ATAD2B: variants seen among roughly 807,000 people sequenced by gnomAD.
ATAD2B encodes the protein ATPase family AAA domain containing 2B.
A neutral mutation model predicts 167.6 loss-of-function variants in ATAD2B; 40 were observed. The observed-to-expected ratio is 0.24, with a 90% CI of 0.19 to 0.31. The LOEUF is 0.31. Ranked by LOEUF, ATAD2B falls within the 10% of genes least tolerant of loss-of-function variation. ATAD2B has a pLI of 1.00. For missense variants in ATAD2B, 1,242 were observed against 1,757.2 expected, an observed-to-expected ratio of 0.71 and a Z score of 5.24; for synonymous variants, 579 against 596.5, an observed-to-expected ratio of 0.97 and a Z score of 0.43.
the ATAD2B span, chr2:23,697,311 G>A: frequency 2.6e-5 from 4 of 152,194 alleles, no homozygotes. Flanking sequence ...ACAGATGCCT[G>A]GGGGAAAAGC....
intron 1 of ATAD2B, among the ~76,000 whole-genome samples, chr2:23,921,509 T>C (rs1192679611): frequency 3.3e-5 from 5 of 152,268 alleles, no homozygotes; most frequent in South Asian, 2.1e-4. Flanking sequence ...AGACATACAA[T>C]AAAACATCTA....
At chr2:23,716,803 A>C in the ATAD2B span, among the ~76,000 whole-genome samples, 10 of 152,344 alleles carry the variant, frequency 6.6e-5, no homozygotes. Flanking sequence ...ACATTCACAC[A>C]GACTGGTGCT....
intron 13 of ATAD2B, among the ~76,000 whole-genome samples, chr2:23,841,126 A>T (rs1358402419): frequency 7.9e-6 from 1 of 126,880 alleles, no homozygotes; most frequent in Non-Finnish European, 1.6e-5. Context: ...TTTTGTACAG[A>T]TGGGTTCTCA....
At chr2:23,889,011 A>C (rs1041604239) in intron 2 of ATAD2B, among the ~76,000 whole-genome samples, 3 of 152,258 alleles carry the variant, frequency 2.0e-5, no homozygotes, top group Admixed American at 2.0e-4. Context: ...TTCTTAGTAC[A>C]GTCAGAAAGT....
intron 1 of ATAD2B, among the ~76,000 whole-genome samples, chr2:23,921,467 G>A (rs1703922703): frequency 6.6e-6 from 1 of 152,078 alleles, no homozygotes; most frequent in Admixed American, 6.6e-5. Context: ...GATTCCAGAA[G>A]TTATGAGTTT....
intron 21 of ATAD2B, among the ~76,000 whole-genome samples, chr2:23,784,781 G>GT (rs1477483288): frequency 6.6e-6 from 1 of 151,782 alleles, no homozygotes; most frequent in Non-Finnish European, 1.5e-5. Context: ...TATGGGGGGG[G>GT]GGATGACCCA....
At chr2:23,898,513 CA>C (rs1296006270) in intron 1 of ATAD2B, among the ~76,000 whole-genome samples, 3 of 152,230 alleles carry the variant, frequency 2.0e-5, no homozygotes, top group Non-Finnish European at 4.4e-5. Flanking sequence ...TGATTGATGT[CA>C]TATGTCTTCC....
intron 4 of ATAD2B, among the ~76,000 whole-genome samples, chr2:23,887,088 C>T (rs1698787149): frequency 6.6e-6 from 1 of 152,062 alleles, no homozygotes; most frequent in South Asian, 2.1e-4. Flanking sequence ...CCTGGTGAAA[C>T]CCCGTCTTTA....
chr2:23,728,559 T>A, the ATAD2B span, among the ~76,000 whole-genome samples: 1 of 152,070 alleles, frequency 6.6e-6, no homozygotes, highest in African/African-American at 2.4e-5. Context: ...AAATTTTGTT[T>A]CAAAGAATAA....
the ATAD2B span, chr2:23,691,956 C>T: frequency 1.9e-5 from 27 of 1,402,256 alleles, no homozygotes; most frequent in Middle Eastern, 1.4e-3. Context: ...AAGGACTGAG[C>T]GGGGAGGTCT....
At chr2:23,735,298 A>G in the ATAD2B span, among the ~76,000 whole-genome samples, 17 of 152,294 alleles carry the variant, frequency 1.1e-4, no homozygotes, top group Admixed American at 8.5e-4. Flanking sequence ...TTTAAACTCA[A>G]TACTTACTTA....
the ATAD2B span, among the ~76,000 whole-genome samples, chr2:23,724,370 T>C: frequency 5.3e-5 from 8 of 152,168 alleles, no homozygotes; most frequent in African/African-American, 1.9e-4. Context: ...CATCCCCATG[T>C]ACCCAATGAA....
chr2:23,777,691 T>G (rs1329895426), intron 22 of ATAD2B, among the ~76,000 whole-genome samples: 1 of 152,160 alleles, frequency 6.6e-6, no homozygotes, highest in Non-Finnish European at 1.5e-5. Flanking sequence ...AATGATGGTA[T>G]ATAGCATATG....
intron 22 of ATAD2B, among the ~76,000 whole-genome samples, chr2:23,766,622 G>C (rs1677449097): frequency 6.6e-6 from 1 of 152,160 alleles, no homozygotes; most frequent in South Asian, 2.1e-4. Flanking sequence ...GGGAAAGCTG[G>C]ATGGTGGCCA....
chr2:23,695,808 G>C, the ATAD2B span: 36 of 1,548,928 alleles, frequency 2.3e-5, no homozygotes, highest in Non-Finnish European at 2.8e-5. This position sits in a 1 kb window ranked among gnomAD's most constrained non-coding sequence, Gnocchi z 7.6. Flanking sequence ...GAACCCGGCC[G>C]CGCCTCTCTG....
chr2:23,824,118 TTTTTC>T (rs1335004725), intron 15 of ATAD2B, among the ~76,000 whole-genome samples: 2 of 152,048 alleles, frequency 1.3e-5, no homozygotes, highest in Non-Finnish European at 2.9e-5. Context: ...TCGTATAATT[TTTTTC>T]TTTTCTTTTA....
In ATAD2B at chr2:23,884,887, A is replaced by C. The variant is rs1026140340; in HGVS notation, c.676-14T>G. 6.8e-7 allele frequency: 1 copy of C among 1,460,260 alleles called. No individual in the cohort carries two copies. Among genetic ancestry groups the C allele is most frequent in the Admixed American group, 2.3e-5 (1 of 44,386 alleles). 90.5% of individuals were successfully genotyped at this position (1,460,260 alleles called of 1,614,324 possible). ...ATCCATGTTTTCCTTTTAAAGAAAG[A>C]AATCTGTCAAATAGCAACATGACAT... On this transcript the variant is annotated splice_polypyrimidine_tract_variant and intron_variant, in intron 5 of 27. Coordinates refer to ENST00000238789, the MANE Select transcript of ATAD2B (RefSeq NM_017552.4).
the ATAD2B span, among the ~76,000 whole-genome samples, chr2:23,734,717 C>T: frequency 6.6e-6 from 1 of 152,108 alleles, no homozygotes; most frequent in Non-Finnish European, 1.5e-5. Flanking sequence ...CTCCATGTTC[C>T]AATCACCTCC....
Position 23,879,579 on chromosome 2 carries a change from T to C in ATAD2B, c.901+1060A>G, listed in dbSNP as rs139078420. 1.1e-3 allele frequency among the ~76,000 whole-genome samples: 173 copies of C among 152,254 alleles called. 5 individuals carry two copies. The highest frequency in any genetic ancestry group is 9.3e-3 in the Admixed American group (142 of 15,282). ...TTATATTTGTGCTTCTGAACAGCCA[T>C]TACACTGCACCATGAACAACATAGT... is the stretch of plus-strand genomic sequence containing the variant. On this transcript the variant is annotated intron_variant, in intron 7 of 27. Coordinates refer to ENST00000238789, the MANE Select transcript of ATAD2B (RefSeq NM_017552.4).
Sources: allele counts gnomAD v4.1 joint callset (sites outside exome capture counted in the v4.1 genomes callset), GRCh38; gene constraint gnomAD v4.1.1; non-coding constraint Gnocchi (gnomAD v3.1); transcripts MANE v1.5; gene names NCBI Gene and HGNC (gene_info 2026-07-23, HGNC 2026-07-21).